Variants in ANKRD44 observed in about 807,000 individuals in gnomAD.
ANKRD44 encodes the protein serine/threonine-protein phosphatase 6 regulatory ankyrin repeat subunit B.
ANKRD44 carries 35 observed loss-of-function variants against 116.0 expected under a neutral mutation model. The observed-to-expected ratio is 0.30, with a 90% confidence interval of 0.23 to 0.40. The LOEUF (loss-of-function observed/expected upper bound fraction) is 0.40. Among genes scored for constraint, ANKRD44 ranks in the 10% least tolerant of loss-of-function variants. ANKRD44 has a pLI of 1.00. For synonymous variants in ANKRD44, 435 were observed against 461.8 expected, an observed-to-expected ratio of 0.94 and a Z score of 0.74; for missense variants, 1,014 against 1,242.6, an observed-to-expected ratio of 0.82 and a Z score of 2.77.
Position 197,253,943 on chromosome 2 carries a change from G to A in ANKRD44, c.27+56635C>T, listed in dbSNP as rs112712706. Among the ~76,000 whole-genome samples the A allele has an allele frequency of 5.3e-5, 8 of 152,292 alleles. 1 individual carries two copies. Among genetic ancestry groups the A allele is most frequent in the African/African-American group, 1.7e-4 (7 of 41,572 alleles). On this transcript the variant is annotated intron_variant, in intron 1 of 27. Transcript: ENST00000282272. ...AGAAACACACTCATAATCCGCACAG[G>A]GTTCTTGAAAGATTACACTAACGTT...
At chr2:197,276,744 A>C (rs1229679254) in intron 1 of ANKRD44, among the ~76,000 whole-genome samples, 1 of 152,110 alleles carries the variant, frequency 6.6e-6, no homozygotes. Flanking sequence ...AGGATGTTAC[A>C]AAATATATAA....
Position 197,013,564 on chromosome 2 carries a change from G to A in ANKRD44, c.1871C>T (p.Ala624Val), listed in dbSNP as rs768199593. Residue 624 changes from alanine (A) to valine (V), a missense_variant, in exon 18 of 28, where the codon GCA becomes GTA. Physicochemically the swap from Ala to Val is moderately conservative, Grantham distance 64. Coordinates refer to ENST00000282272, the MANE Select transcript of ANKRD44 (RefSeq NM_001195144.2). Reference sequence around the variant, plus strand: ...TACATTGTCTTTCACAAAGATGGATGCGCCCTGATTGATAAGCGCTTCCAC... The same window carrying A: ...TACATTGTCTTTCACAAAGATGGATACGCCCTGATTGATAAGCGCTTCCAC... Reference protein sequence around the residue: ...ECVEALINQGASIFVKDNVTK... With the variant: ...ECVEALINQGVSIFVKDNVTK... 2 of 1,614,212 alleles carry A rather than the reference G, an allele frequency of 1.2e-6. No homozygotes were observed. The highest frequency in any genetic ancestry group is 3.3e-5 in the Admixed American group (2 of 60,032).
intron 16 of ANKRD44, chr2:197,078,421 G>A (rs2077720632): frequency 3.1e-6 from 2 of 649,820 alleles, no homozygotes; most frequent in African/African-American, 3.8e-5. Context: ...GGCAATGCTG[G>A]TGTTAGGAGG....
Position 196,998,399 on chromosome 2 carries a change from G to C in ANKRD44, c.2686C>G (p.Gln896Glu), listed in dbSNP as rs1234179126. The C allele has an allele frequency of 6.2e-7, 1 of 1,613,580 alleles. No individual in the cohort carries two copies. The highest frequency in any genetic ancestry group is 8.5e-7 in the Non-Finnish European group (1 of 1,179,804). ...TTATCCTTTACAGTCAGATCAGCCT[G>C]GGCACTGTTCACCAAAATATCTGTA... is the stretch of plus-strand genomic sequence containing the variant. ...GAVDILVNSA[Q>E]ADLTVKDKDL... Residue 896 changes from glutamine to glutamate, a missense_variant, in exon 25 of 28, where the codon CAG becomes GAG. Coordinates refer to ENST00000282272, the MANE Select transcript of ANKRD44 (RefSeq NM_001195144.2).
chr2:197,024,277 G>C (rs1446553951), intron 17 of ANKRD44, among the ~76,000 whole-genome samples: 1 of 152,202 alleles, frequency 6.6e-6, no homozygotes, highest in African/African-American at 2.4e-5. Context: ...AAGAAACCCA[G>C]CCCCTTCCCA....
chr2:197,077,767 G>A (rs1384302618), intron 16 of ANKRD44: 1 of 152,116 alleles, frequency 6.6e-6, no homozygotes. Context: ...CGGTCTGTTC[G>A]ACTGACAGTG....
chr2:197,151,414 G>C (rs1255531542), intron 2 of ANKRD44, among the ~76,000 whole-genome samples: 1 of 152,216 alleles, frequency 6.6e-6, no homozygotes, highest in Non-Finnish European at 1.5e-5. Context: ...AAAGGACAAA[G>C]CATAAGGGGG....
chr2:197,133,913 T>C (rs2079149924), intron 4 of ANKRD44: 1 of 149,684 alleles, frequency 6.7e-6, no homozygotes, highest in Admixed American at 6.8e-5. Context: ...GAGACTCCAA[T>C]TTTCTTTTCC....
intron 8 of ANKRD44, among the ~76,000 whole-genome samples, chr2:197,111,655 A>T (rs1449627974): frequency 6.6e-6 from 1 of 151,812 alleles, no homozygotes; most frequent in Non-Finnish European, 1.5e-5. Context: ...AAAAAAGAAA[A>T]GAAAACTGAT....
At chr2:197,191,362 C>T (rs998178277) in intron 1 of ANKRD44, among the ~76,000 whole-genome samples, 2 of 152,134 alleles carry the variant, frequency 1.3e-5, no homozygotes, top group Non-Finnish European at 2.9e-5. Flanking sequence ...TGACACTTGA[C>T]CCCTCTAAGA....
intron 16 of ANKRD44, among the ~76,000 whole-genome samples, chr2:197,041,672 G>A (rs1243067842): frequency 6.6e-6 from 1 of 152,066 alleles, no homozygotes; most frequent in African/African-American, 2.4e-5. Flanking sequence ...CCTCCTTCCT[G>A]CTTAGAATTT....
At chr2:197,069,933 T>C (rs1462422618) in intron 16 of ANKRD44, among the ~76,000 whole-genome samples, 1 of 152,110 alleles carries the variant, frequency 6.6e-6, no homozygotes, top group African/African-American at 2.4e-5. Context: ...ATCAGCATTT[T>C]GTGGTTTCAA....
chr2:197,101,487 A>G (rs2078292725), intron 9 of ANKRD44, among the ~76,000 whole-genome samples: 1 of 152,246 alleles, frequency 6.6e-6, no homozygotes, highest in Non-Finnish European at 1.5e-5. Context: ...GAAAAGAAAC[A>G]GCCCTGAAAA....
intron 1 of ANKRD44, among the ~76,000 whole-genome samples, chr2:197,190,970 A>T (rs1030249433): frequency 9.9e-5 from 15 of 152,236 alleles, no homozygotes; most frequent in African/African-American, 3.6e-4. Context: ...CAAAATTGTA[A>T]CAAGGGTCAA....
intron 1 of ANKRD44, among the ~76,000 whole-genome samples, chr2:197,260,188 C>G (rs905156645): frequency 6.6e-6 from 1 of 152,042 alleles, no homozygotes; most frequent in African/African-American, 2.4e-5. Flanking sequence ...CACCCATTAA[C>G]TCGTCATTTA....
intron 16 of ANKRD44, among the ~76,000 whole-genome samples, chr2:197,075,713 T>C (rs867704330): frequency 6.6e-6 from 1 of 152,288 alleles, no homozygotes; most frequent in African/African-American, 2.4e-5. Context: ...AAAACAACTA[T>C]AATAATTTCT....
intron 12 of ANKRD44, 117 bp downstream of exon 12, chr2:197,088,594 A>G: frequency 1.7e-6 from 1 of 576,798 alleles, no homozygotes; most frequent in Non-Finnish European, 2.8e-6. Flanking sequence ...TTTGATAATT[A>G]GTAGAAATGA....
intron 1 of ANKRD44, among the ~76,000 whole-genome samples, chr2:197,242,592 A>G (rs1437676770): frequency 6.6e-6 from 1 of 152,202 alleles, no homozygotes; most frequent in Non-Finnish European, 1.5e-5. Context: ...TTCACCTTAA[A>G]AAAAGGGCTC....
chr2:197,137,593 C>G (rs1263006289), intron 3 of ANKRD44, among the ~76,000 whole-genome samples: 1 of 152,186 alleles, frequency 6.6e-6, no homozygotes, highest in Non-Finnish European at 1.5e-5. Context: ...AATAACAAAT[C>G]ATAGAGCTTA....
Sources: allele counts gnomAD v4.1 joint callset (sites outside exome capture counted in the v4.1 genomes callset), GRCh38; gene constraint gnomAD v4.1.1; transcripts MANE v1.5; gene names NCBI Gene and HGNC (gene_info 2026-07-23, HGNC 2026-07-21).